DPP10: variants seen among roughly 807,000 people sequenced by gnomAD.
The protein encoded by DPP10 is inactive dipeptidyl peptidase 10.
DPP10 carries 33 observed loss-of-function variants against 120.9 expected under a neutral mutation model. The ratio of observed to expected loss-of-function variants is 0.27; its 90% CI spans 0.21 to 0.37. The LOEUF is 0.37. Ranked by LOEUF, DPP10 falls within the 10% of genes least tolerant of loss-of-function variation. The probability of loss-of-function intolerance (pLI) is 1.00; values close to 1 mark genes in which losing one functional copy is unlikely to be tolerated. For synonymous variants in DPP10, 337 were observed against 326.1 expected (o/e 1.03, Z -0.36); for missense variants, 816 against 942.8 (o/e 0.87, Z 1.76).
At chr2:114,461,728 G>T (rs1678929639) in intron 1 of DPP10, 5 of 985,248 alleles carry the variant, frequency 5.1e-6, no homozygotes, top group Non-Finnish European at 6.0e-6. Context: ...CCTAGCCAGG[G>T]ACATGTTAAT....
chr2:114,929,632 G>A (rs971798768), intron 1 of DPP10, among the ~76,000 whole-genome samples: 6 of 152,142 alleles, frequency 3.9e-5, no homozygotes, highest in South Asian at 2.1e-4. Flanking sequence ...CCTGAAAATC[G>A]CTGTTATCCT....
intron 1 of DPP10, among the ~76,000 whole-genome samples, chr2:114,591,005 T>A (rs1691413955): frequency 6.6e-6 from 1 of 152,120 alleles, no homozygotes; most frequent in Non-Finnish European, 1.5e-5. Context: ...GAAAAAATAG[T>A]CGTCTGTATT....
chr2:114,578,966 C>T (rs1055467298), intron 1 of DPP10, among the ~76,000 whole-genome samples: 4 of 152,194 alleles, frequency 2.6e-5, no homozygotes, highest in African/African-American at 9.7e-5. Context: ...CATCCAGCCT[C>T]CTTTTTTTGA....
chr2:114,758,453 T>C (rs957458572), intron 1 of DPP10, among the ~76,000 whole-genome samples: 2 of 152,210 alleles, frequency 1.3e-5, no homozygotes, highest in African/African-American at 2.4e-5. Flanking sequence ...ATTTCATAGC[T>C]GTGTTAATTT....
At chr2:115,287,025 TAGAATA>T (rs1262993695) in intron 1 of DPP10, among the ~76,000 whole-genome samples, 1 of 152,034 alleles carries the variant, frequency 6.6e-6, no homozygotes, top group African/African-American at 2.4e-5. Flanking sequence ...ATTTATGATC[TAGAATA>T]ATTGATAAGA....
chr2:115,701,723 A>G (rs2091896991), intron 7 of DPP10, among the ~76,000 whole-genome samples: 1 of 152,224 alleles, frequency 6.6e-6, no homozygotes, highest in South Asian at 2.1e-4. Flanking sequence ...ATATAGAGGA[A>G]TAAAGTATAC....
chr2:115,462,970 TCTG>T (rs2074083045), intron 3 of DPP10, among the ~76,000 whole-genome samples: 1 of 152,170 alleles, frequency 6.6e-6, no homozygotes, highest in South Asian at 2.1e-4. Flanking sequence ...GCTCAGGCAA[TCTG>T]CTTGTCTCAG....
chr2:115,616,410 T>A (rs1295421196), intron 5 of DPP10, among the ~76,000 whole-genome samples: 1 of 151,804 alleles, frequency 6.6e-6, no homozygotes, highest in Non-Finnish European at 1.5e-5. Context: ...TGTAAGGAAT[T>A]TGCTTTAATC....
At chr2:115,042,905 T>C (rs1704775433) in intron 1 of DPP10, among the ~76,000 whole-genome samples, 1 of 152,240 alleles carries the variant, frequency 6.6e-6, no homozygotes, top group African/African-American at 2.4e-5. Flanking sequence ...TAATGTTTCA[T>C]GTGAAACCCT....
intron 1 of DPP10, among the ~76,000 whole-genome samples, chr2:114,695,796 G>A (rs760493173): frequency 1.1e-4 from 17 of 151,974 alleles, no homozygotes; most frequent in Non-Finnish European, 2.1e-4. Context: ...TCATTCAAAG[G>A]CAATTTTTAT....
At chr2:115,405,008 C>T (rs184548208) in intron 3 of DPP10, among the ~76,000 whole-genome samples, 1 of 152,278 alleles carries the variant, frequency 6.6e-6, no homozygotes, top group Non-Finnish European at 1.5e-5. Context: ...CTGGCTCCCC[C>T]TATAACTCAT....
At chr2:115,468,244 T>A in intron 3 of DPP10, 2 of 507,034 alleles carry the variant, frequency 3.9e-6, no homozygotes, top group Non-Finnish European at 7.9e-6. Context: ...TGACCGCTCG[T>A]GTCATTGTTG....
intron 5 of DPP10, among the ~76,000 whole-genome samples, chr2:115,644,539 G>C (rs1188332573): frequency 6.6e-6 from 1 of 151,904 alleles, no homozygotes; most frequent in Non-Finnish European, 1.5e-5. Flanking sequence ...GGAAGGCCAA[G>C]ATGGGAGGAT....
intron 3 of DPP10, among the ~76,000 whole-genome samples, chr2:115,377,160 T>G (rs1253493001): frequency 6.6e-6 from 1 of 152,112 alleles, no homozygotes; most frequent in Non-Finnish European, 1.5e-5. Flanking sequence ...TAGTTTACAG[T>G]CCCACCAACA....
intron 3 of DPP10, among the ~76,000 whole-genome samples, chr2:115,484,464 G>A (rs2075644706): frequency 6.6e-6 from 1 of 152,048 alleles, no homozygotes. Context: ...TTAGCACATT[G>A]CATACCACTA....
chr2:114,879,102 A>T (rs1377186207), intron 1 of DPP10, among the ~76,000 whole-genome samples: 1 of 151,610 alleles, frequency 6.6e-6, no homozygotes, highest in East Asian at 1.9e-4. Context: ...TTGAAAGAAG[A>T]TTCAAATAGT....
chr2:115,764,749 C>G (rs1010498019), intron 12 of DPP10, among the ~76,000 whole-genome samples: 2 of 151,990 alleles, frequency 1.3e-5, no homozygotes, highest in African/African-American at 4.8e-5. Flanking sequence ...TCGTTTATCA[C>G]AGTTGATTTT....
chr2:115,718,153 T>C (rs1297751867), intron 7 of DPP10, among the ~76,000 whole-genome samples: 3 of 150,592 alleles, frequency 2.0e-5, no homozygotes, highest in Non-Finnish European at 4.4e-5. Flanking sequence ...TTTTATCTTT[T>C]CTAGCAAATT....
At chr2:114,461,488 G>A (rs1678913895) in intron 1 of DPP10, 2 of 752,822 alleles carry the variant, frequency 2.7e-6, no homozygotes, top group Admixed American at 1.3e-4. Flanking sequence ...TTGATTACCT[G>A]TCTCCCTCAA....
Sources: allele counts gnomAD v4.1 joint callset (sites outside exome capture counted in the v4.1 genomes callset), GRCh38; gene constraint gnomAD v4.1.1; transcripts MANE v1.5; gene names NCBI Gene and HGNC (gene_info 2026-07-23, HGNC 2026-07-21).